KIF7: variants seen among roughly 807,000 people sequenced by gnomAD.
KIF7 encodes kinesin-like protein KIF7.
KIF7 carries 104 observed loss-of-function variants against 135.7 expected under a neutral mutation model. The observed-to-expected ratio is 0.77, with a 90% confidence interval of 0.65 to 0.90. KIF7 has a LOEUF of 0.90. Ranked by LOEUF, KIF7 falls within the 40% of genes least tolerant of loss-of-function variation. The pLI is 0.00. For missense variants in KIF7, 2,005 were observed against 1,839.1 expected (o/e 1.09, Z -1.65); for synonymous variants, 883 against 809.4 (o/e 1.09, Z -1.54).
chr15:89,634,170 G>A (rs544214111), intron 11 of KIF7, among the ~76,000 whole-genome samples: 2 of 152,152 alleles, frequency 1.3e-5, no homozygotes, highest in Non-Finnish European at 2.9e-5. Flanking sequence ...TTGGTGGTGG[G>A]TGCCTCTAAT....
At chr15:89,658,452 G>C (rs1964227827), upstream of KIF7, among the ~76,000 whole-genome samples, 1 of 149,780 alleles carries the variant, frequency 6.7e-6, no homozygotes, top group Non-Finnish European at 1.5e-5. Flanking sequence ...TCTCCAGAGA[G>C]AGAGAGAGAG....
chr15:89,632,082 G>A (rs1263390677), intron 14 of KIF7, among the ~76,000 whole-genome samples: 1 of 152,262 alleles, frequency 6.6e-6, no homozygotes, highest in African/African-American at 2.4e-5. Flanking sequence ...AGATGCGGGA[G>A]GAAGTGAGGG....
chr15:89,639,379 T>G (rs1284855553), intron 11 of KIF7, among the ~76,000 whole-genome samples: 1 of 141,058 alleles, frequency 7.1e-6, no homozygotes, highest in African/African-American at 2.7e-5. Context: ...AGAAAATTTC[T>G]GCAACCTACT....
At chr15:89,662,852 G>C in the KIF7 span, among the ~76,000 whole-genome samples, 2 of 152,230 alleles carry the variant, frequency 1.3e-5, no homozygotes, top group African/African-American at 2.4e-5. Context: ...TCAAAATACT[G>C]AGAAGCAGGT....
intron 2 of KIF7, among the ~76,000 whole-genome samples, chr15:89,651,422 T>C (rs568821212): frequency 6.6e-6 from 1 of 151,542 alleles, no homozygotes; most frequent in African/African-American, 2.4e-5. Context: ...TTAGTAGAGA[T>C]GGGGTTTTGC....
At chr15:89,627,153 G>A, downstream of KIF7, 1 of 1,593,974 alleles carries the variant, frequency 6.3e-7, no homozygotes, top group Non-Finnish European at 8.6e-7. Context: ...AAAGAAGTTG[G>A]ATGCCTGGTC....
intron 10 of KIF7, among the ~76,000 whole-genome samples, chr15:89,644,609 C>T (rs1308724824): frequency 6.6e-6 from 1 of 152,034 alleles, no homozygotes. Context: ...CGCTTGAACC[C>T]GGGAGGCAGA....
chr15:89,631,571 T>C lies in KIF7; in HGVS notation c.3035A>G (p.Gln1012Arg). Reference sequence around the variant, plus strand: ...CTGCTTGAGCAGCGAGTCCTTCTCCTGGCGCAGGCTGTCGATCTCCCCGCG... The same window carrying C: ...CTGCTTGAGCAGCGAGTCCTTCTCCCGGCGCAGGCTGTCGATCTCCCCGCG... Reference protein sequence around the residue: ...QIRGEIDSLRQEKDSLLKQRL... With the variant: ...QIRGEIDSLRREKDSLLKQRL... The change falls in exon 15 of 19, where the codon CAG (glutamine) becomes CGG (arginine). Residue 1012 changes from glutamine (Q) to arginine (R), a missense_variant. Transcript: ENST00000394412. 6.4e-7 allele frequency: 1 copy of C among 1,569,996 alleles called. No homozygotes were observed. Among genetic ancestry groups the C allele is most frequent in the Non-Finnish European group, 8.6e-7 (1 of 1,156,438 alleles).
intron 1 of KIF7, chr15:89,619,739 G>C: frequency 6.2e-7 from 1 of 1,613,460 alleles, no homozygotes; most frequent in Non-Finnish European, 8.5e-7. Flanking sequence ...CTCGAATCAA[G>C]CAGTTGTCAT....
the KIF7 span, among the ~76,000 whole-genome samples, chr15:89,661,305 A>C: frequency 6.6e-6 from 1 of 152,240 alleles, no homozygotes; most frequent in Admixed American, 6.5e-5. Flanking sequence ...AGCAAATCTC[A>C]AGAATACATA....
At chr15:89,632,004 T>G (rs1441764918) in intron 14 of KIF7, among the ~76,000 whole-genome samples, 2 of 152,212 alleles carry the variant, frequency 1.3e-5, no homozygotes, top group African/African-American at 4.8e-5. Context: ...AGGAATGATC[T>G]GTCACTGAGA....
intron 3 of KIF7, 149 bp from the exon 4 acceptor site, chr15:89,649,516 C>A: frequency 9.3e-7 from 1 of 1,074,502 alleles, no homozygotes; most frequent in Admixed American, 2.9e-5. Context: ...TTCCTAGTTC[C>A]GGCTTGAGGG....
chr15:89,629,552 G>C lies in KIF7; in HGVS notation c.3340C>G (p.Gln1114Glu). 6.2e-7 allele frequency: 1 copy of C among 1,607,822 alleles called. No individual in the cohort carries two copies. Among genetic ancestry groups the C allele is most frequent in the Non-Finnish European group, 8.5e-7 (1 of 1,179,994 alleles). Residue 1114 changes from glutamine to glutamate, a missense_variant, in exon 17 of 19, where the codon CAG becomes GAG. By Grantham distance (29) the Gln-to-Glu change is conservative. Transcript: ENST00000394412. ...GAGAAGGCAATCTGCTGCTGGTGCT[G>C]CTCCTCTCGGAGCGTCACCACCTGT... The part of the protein sequence containing the change: ...FDKVVTLREE[Q>E]HQQQIAFSEL...
intron 6 of KIF7, 43 bp from the exon 7 acceptor site, chr15:89,647,100 G>A (rs538018259): frequency 6.7e-7 from 1 of 1,490,616 alleles, no homozygotes; most frequent in Non-Finnish European, 9.1e-7. Context: ...TGAATGCCCC[G>A]ACAGGCAGGA....
chr15:89,639,919 T>TAAGAA (rs1279823914), intron 11 of KIF7, among the ~76,000 whole-genome samples: 2 of 152,134 alleles, frequency 1.3e-5, no homozygotes, highest in African/African-American at 4.8e-5. Context: ...TAGACTGGAT[T>TAAGAA]AAGAAAATGT....
At chr15:89,624,186 A>G, downstream of KIF7, 1 of 1,614,118 alleles carries the variant, frequency 6.2e-7, no homozygotes, top group African/African-American at 1.3e-5. Context: ...TCAAAACTCC[A>G]AAAAGACCAG....
downstream of KIF7, chr15:89,626,896 A>G (rs776443520): frequency 3.5e-5 from 55 of 1,580,978 alleles, no homozygotes; most frequent in Admixed American, 6.3e-4. Context: ...ATTTAAGCCA[A>G]TTTTTTTCAG....
intron 15 of KIF7, chr15:89,631,044 T>C (rs936811143): frequency 1.3e-5 from 3 of 228,700 alleles, no homozygotes; most frequent in African/African-American, 2.3e-5. Flanking sequence ...TGCGGTGTTA[T>C]AATTTTCTGG....
chr15:89,629,331 G>A (rs1272223582), intron 17 of KIF7, 44 bp downstream of exon 17: 3 of 1,134,712 alleles, frequency 2.6e-6, no homozygotes, highest in African/African-American at 3.9e-5. Flanking sequence ...GGGTGGGGGG[G>A]ATGGAGGGGG....
Sources: allele counts gnomAD v4.1 joint callset (sites outside exome capture counted in the v4.1 genomes callset), GRCh38; gene constraint gnomAD v4.1.1; transcripts MANE v1.5; gene names NCBI Gene and HGNC (gene_info 2026-07-23, HGNC 2026-07-21).